The following ASIC2 variants were observed in gnomAD, a reference collection of about 807,000 sequenced individuals.
ASIC2 encodes acid-sensing ion channel 2.
Under a neutral mutation model 57.3 loss-of-function variants are expected in ASIC2, and 25 were observed. The observed-to-expected ratio is 0.44, with a 90% CI of 0.32 to 0.61. ASIC2 has a LOEUF of 0.61. ASIC2 is among the 20% of genes least tolerant of loss of function. The probability of loss-of-function intolerance (pLI) is 0.06; values close to 1 mark genes in which losing one functional copy is unlikely to be tolerated. For missense variants in ASIC2, 641 were observed against 738.1 expected (o/e 0.87, Z 1.52); for synonymous variants, 319 against 307.5 (o/e 1.04, Z -0.39).
intron 1 of ASIC2, among the ~76,000 whole-genome samples, chr17:34,034,933 C>G (rs938205239): frequency 6.6e-6 from 1 of 152,054 alleles, no homozygotes; most frequent in Non-Finnish European, 1.5e-5. Flanking sequence ...AATGGCCATA[C>G]TGCCCAAGGT....
intron 1 of ASIC2, among the ~76,000 whole-genome samples, chr17:33,445,657 C>T (rs1911986843): frequency 6.6e-6 from 1 of 151,764 alleles, no homozygotes; most frequent in African/African-American, 2.4e-5. Context: ...ATTAGCTGGG[C>T]GTGGCGGCTC....
At chr17:33,430,578 C>T (rs1911375774) in intron 1 of ASIC2, among the ~76,000 whole-genome samples, 1 of 152,124 alleles carries the variant, frequency 6.6e-6, no homozygotes, top group Non-Finnish European at 1.5e-5. Context: ...TGAAGCAATG[C>T]AGGGTGCTGG....
chr17:34,069,945 C>T (rs1182438505), intron 1 of ASIC2: 1 of 152,044 alleles, frequency 6.6e-6, no homozygotes, highest in East Asian at 1.9e-4. Context: ...GACTCAGTGC[C>T]CAAATTTATT....
At chr17:33,212,082 G>A (rs1249778924) in intron 1 of ASIC2, among the ~76,000 whole-genome samples, 1 of 152,212 alleles carries the variant, frequency 6.6e-6, no homozygotes, top group Non-Finnish European at 1.5e-5. Context: ...CTCCCTGTCT[G>A]TCTCTAAGGC....
chr17:33,314,021 T>G (rs1906541062), intron 1 of ASIC2, among the ~76,000 whole-genome samples: 2 of 152,146 alleles, frequency 1.3e-5, no homozygotes, highest in Non-Finnish European at 2.9e-5. Flanking sequence ...ATACTTTGAT[T>G]ACTCAAGGTT....
chr17:34,065,307 A>G (rs879892931), intron 1 of ASIC2, among the ~76,000 whole-genome samples: 15 of 152,134 alleles, frequency 9.9e-5, no homozygotes, highest in Admixed American at 2.0e-4. Flanking sequence ...GTTCTCACTG[A>G]TATGTAGGAG....
At chr17:34,132,289 G>A (rs188524165) in intron 1 of ASIC2, among the ~76,000 whole-genome samples, 1 of 152,210 alleles carries the variant, frequency 6.6e-6, no homozygotes, top group African/African-American at 2.4e-5. Context: ...GCTCTTAAAG[G>A]TTGCGCAGAC....
chr17:33,894,460 T>C (rs530685680), intron 1 of ASIC2, among the ~76,000 whole-genome samples: 2 of 151,796 alleles, frequency 1.3e-5, no homozygotes, highest in East Asian at 3.9e-4. Context: ...GCAGAGCGAG[T>C]TGTTCTCTCC....
chr17:33,416,318 G>C (rs1910839023), intron 1 of ASIC2, among the ~76,000 whole-genome samples: 1 of 152,232 alleles, frequency 6.6e-6, no homozygotes, highest in Admixed American at 6.5e-5. Flanking sequence ...AATTGACCAA[G>C]CTTGCACCAT....
At chr17:33,042,270 T>C (rs2091932925) in intron 3 of ASIC2, among the ~76,000 whole-genome samples, 1 of 152,132 alleles carries the variant, frequency 6.6e-6, no homozygotes, top group African/African-American at 2.4e-5. Flanking sequence ...TCTGCCTGGC[T>C]TCAGTAAGGG....
chr17:33,825,866 A>G (rs1456383084), intron 1 of ASIC2, among the ~76,000 whole-genome samples: 3 of 152,234 alleles, frequency 2.0e-5, no homozygotes, highest in African/African-American at 7.2e-5. Context: ...AATAAAAGAT[A>G]TATAAGATAA....
chr17:33,576,966 A>G (rs535969306), intron 1 of ASIC2, among the ~76,000 whole-genome samples: 1 of 152,338 alleles, frequency 6.6e-6, no homozygotes, highest in Admixed American at 6.5e-5. Context: ...TAATGCGCTC[A>G]AAATAGGGCC....
At chr17:33,476,544 G>T (rs890328722) in intron 1 of ASIC2, among the ~76,000 whole-genome samples, 5 of 104,638 alleles carry the variant, frequency 4.8e-5, no homozygotes, top group South Asian at 2.9e-4. Flanking sequence ...TATGTACAGG[G>T]GTGTGTGTGT....
intron 1 of ASIC2, among the ~76,000 whole-genome samples, chr17:34,092,438 C>A (rs187213792): frequency 2.0e-5 from 3 of 152,114 alleles, no homozygotes. Context: ...TGATTAAGTC[C>A]CACCCTTGTC....
At chr17:34,040,140 C>CCGCGGGGGGG (rs539830728) in intron 1 of ASIC2, among the ~76,000 whole-genome samples, 1 of 86,578 alleles carries the variant, frequency 1.2e-5, no homozygotes, top group Non-Finnish European at 2.1e-5. Context: ...GCCCGGGCGG[C>CCGCGGGGGGG]CACGGGACCG....
intron 1 of ASIC2, among the ~76,000 whole-genome samples, chr17:33,882,494 A>G (rs1914727061): frequency 6.6e-6 from 1 of 152,252 alleles, no homozygotes; most frequent in African/African-American, 2.4e-5. Context: ...TATGCAGCCA[A>G]CAGACACATG....
At chr17:33,099,839 A>T (rs566573168) in intron 2 of ASIC2, 168 of 152,366 alleles carry the variant, frequency 1.1e-3, no homozygotes, top group African/African-American at 3.5e-3. Flanking sequence ...CAGACTGCTG[A>T]GTGGCTCATG....
intron 1 of ASIC2, among the ~76,000 whole-genome samples, chr17:33,797,815 C>T (rs985392385): frequency 6.6e-6 from 1 of 152,192 alleles, no homozygotes; most frequent in African/African-American, 2.4e-5. Context: ...CTGCTCAGTG[C>T]TTGCAGCAGG....
chr17:34,036,695 T>G (rs1026233948), intron 1 of ASIC2: 2 of 146,570 alleles, frequency 1.4e-5, no homozygotes, highest in Non-Finnish European at 1.5e-5. Flanking sequence ...TTTTTTTTTT[T>G]TTTTTTTTTG....
Sources: allele counts gnomAD v4.1 joint callset (sites outside exome capture counted in the v4.1 genomes callset), GRCh38; gene constraint gnomAD v4.1.1; transcripts MANE v1.5; gene names NCBI Gene and HGNC (gene_info 2026-07-23, HGNC 2026-07-21).